Variants in FYB1 observed in about 807,000 individuals in gnomAD.
FYB1 encodes the protein FYN binding protein 1, also known as FYN-binding protein 1.
FYB1 carries 41 observed loss-of-function variants against 94.1 expected under a neutral mutation model. That is an observed-to-expected ratio of 0.44 (90% CI 0.34 to 0.57). The LOEUF (loss-of-function observed/expected upper bound fraction) is 0.57. FYB1 is among the 20% of genes least tolerant of loss of function. FYB1 has a pLI of 0.02. For missense variants in FYB1, 1,050 were observed against 976.8 expected (o/e 1.07, Z -1.00); for synonymous variants, 367 against 353.2 (o/e 1.04, Z -0.44).
chr5:39,183,281 T>A (rs1041769647), intron 2 of FYB1, among the ~76,000 whole-genome samples: 1 of 152,140 alleles, frequency 6.6e-6, no homozygotes, highest in Non-Finnish European at 1.5e-5. Context: ...CCACCACTCC[T>A]GGCCTTGTTT....
intron 2 of FYB1, among the ~76,000 whole-genome samples, chr5:39,180,016 T>C (rs903229142): frequency 6.6e-6 from 1 of 152,146 alleles, no homozygotes; most frequent in Non-Finnish European, 1.5e-5. Context: ...GCACTTAACA[T>C]GTGGTAATGT....
At chr5:39,121,637 C>A (rs934472116) in intron 14 of FYB1, among the ~76,000 whole-genome samples, 2 of 151,980 alleles carry the variant, frequency 1.3e-5, no homozygotes, top group Admixed American at 1.3e-4. Flanking sequence ...TGTATCAAAT[C>A]ATTTCATGTA....
intron 16 of FYB1, among the ~76,000 whole-genome samples, chr5:39,118,004 A>ATT (rs940861524): frequency 2.0e-5 from 3 of 152,078 alleles, no homozygotes; most frequent in Admixed American, 1.3e-4. Context: ...CTCAAGTGAT[A>ATT]TTTTTCTGCC....
intron 1 of FYB1, among the ~76,000 whole-genome samples, chr5:39,248,747 G>A (rs757244947): frequency 2.0e-5 from 3 of 152,128 alleles, no homozygotes; most frequent in Non-Finnish European, 4.4e-5. Context: ...TGAGACAGGA[G>A]AATCGCTTGA....
chr5:39,255,026 T>C (rs991682094), intron 1 of FYB1, among the ~76,000 whole-genome samples: 1 of 152,148 alleles, frequency 6.6e-6, no homozygotes, highest in Non-Finnish European at 1.5e-5. Flanking sequence ...GTGTTAATAG[T>C]GGTTTTCTTT....
chr5:39,133,099 A>C (rs1013575108), intron 9 of FYB1, among the ~76,000 whole-genome samples: 8 of 152,230 alleles, frequency 5.3e-5, no homozygotes, highest in Non-Finnish European at 1.0e-4. Context: ...AACAAGCTTA[A>C]CTGATACCAT....
intron 16 of FYB1, chr5:39,110,709 C>T (rs1738990413): frequency 3.3e-6 from 1 of 305,888 alleles, no homozygotes; most frequent in Non-Finnish European, 6.2e-6. Flanking sequence ...GTGTGTTACC[C>T]CCATGATCCA....
intron 16 of FYB1, among the ~76,000 whole-genome samples, chr5:39,112,136 A>AT (rs1182479602): frequency 6.6e-6 from 1 of 151,986 alleles, no homozygotes; most frequent in Non-Finnish European, 1.5e-5. Flanking sequence ...CAAATTGTGG[A>AT]TTTTGTATCA....
At chr5:39,254,509 C>A (rs1435538917) in intron 1 of FYB1, among the ~76,000 whole-genome samples, 2 of 152,200 alleles carry the variant, frequency 1.3e-5, no homozygotes, top group Non-Finnish European at 2.9e-5. Flanking sequence ...CAATTACAAT[C>A]TCAGTGTTTC....
intron 1 of FYB1, among the ~76,000 whole-genome samples, chr5:39,251,435 T>C (rs1751706081): frequency 6.6e-6 from 1 of 152,164 alleles, no homozygotes; most frequent in South Asian, 2.1e-4. Flanking sequence ...ACTGGAACTG[T>C]ATTTACTGTG....
chr5:39,141,184 A>T, intron 3 of FYB1, 43 bp from the exon 4 acceptor site: 1 of 1,262,688 alleles, frequency 7.9e-7, no homozygotes, highest in Non-Finnish European at 1.1e-6. Flanking sequence ...GAACAAGTAG[A>T]TGCTCACCTT....
At chr5:39,188,203 C>T (rs1747022142) in intron 2 of FYB1, among the ~76,000 whole-genome samples, 1 of 152,212 alleles carries the variant, frequency 6.6e-6, no homozygotes, top group African/African-American at 2.4e-5. Flanking sequence ...TAGCAAAGAA[C>T]TTGTTCAGCT....
At chr5:39,170,748 C>A (rs1049379996) in intron 2 of FYB1, among the ~76,000 whole-genome samples, 1 of 152,184 alleles carries the variant, frequency 6.6e-6, no homozygotes, top group Non-Finnish European at 1.5e-5. Context: ...GTCTTCCTAT[C>A]ATAAATTCCA....
At chr5:39,193,139 G>T (rs1363620278) in intron 2 of FYB1, among the ~76,000 whole-genome samples, 1 of 152,180 alleles carries the variant, frequency 6.6e-6, no homozygotes, top group Non-Finnish European at 1.5e-5. Context: ...TTGGGGAGGG[G>T]TTAGAGGACA....
chr5:39,157,171 T>A (rs1423575696), intron 2 of FYB1, among the ~76,000 whole-genome samples: 2 of 152,160 alleles, frequency 1.3e-5, no homozygotes, highest in African/African-American at 2.4e-5. Context: ...GAATTTGAAC[T>A]CTAGTCATTT....
intron 2 of FYB1, among the ~76,000 whole-genome samples, chr5:39,185,972 C>T (rs1746746782): frequency 2.6e-5 from 4 of 152,102 alleles, no homozygotes; most frequent in African/African-American, 9.6e-5. Context: ...GAGCAGAGTC[C>T]CGCTGGCTGC....
chr5:39,179,038 G>A (rs1745984968), intron 2 of FYB1, among the ~76,000 whole-genome samples: 1 of 152,160 alleles, frequency 6.6e-6, no homozygotes, highest in Non-Finnish European at 1.5e-5. Context: ...TAGCTAACAA[G>A]AGTCCTTTTA....
chr5:39,135,287 G>A (rs1046449034), intron 7 of FYB1, among the ~76,000 whole-genome samples: 1 of 152,150 alleles, frequency 6.6e-6, no homozygotes, highest in Non-Finnish European at 1.5e-5. Flanking sequence ...TTCTGCAAGA[G>A]GCCTGCAAAG....
intron 2 of FYB1, among the ~76,000 whole-genome samples, chr5:39,167,265 C>G (rs1249319383): frequency 1.3e-5 from 2 of 151,760 alleles, no homozygotes; most frequent in East Asian, 1.9e-4. Context: ...TTCTCTCTCT[C>G]TCTCTGTCTC....
Sources: allele counts gnomAD v4.1 joint callset (sites outside exome capture counted in the v4.1 genomes callset), GRCh38; gene constraint gnomAD v4.1.1; transcripts MANE v1.5; gene names NCBI Gene and HGNC (gene_info 2026-07-23, HGNC 2026-07-21).